DCDC1: variants seen among roughly 807,000 people sequenced by gnomAD.
DCDC1 encodes the protein doublecortin domain-containing protein 1.
A neutral mutation model predicts 178.3 loss-of-function variants in DCDC1; 200 were observed. The ratio of observed to expected loss-of-function variants is 1.12; its 90% confidence interval spans 1.00 to 1.26. DCDC1 has a LOEUF of 1.26. DCDC1 is among the 50% of genes most tolerant of loss of function. The pLI is 0.00. For missense variants in DCDC1, 1,983 were observed against 1,749.2 expected (o/e 1.13, Z -2.38); for synonymous variants, 690 against 604.8 (o/e 1.14, Z -2.07).
intron 1 of DCDC1, among the ~76,000 whole-genome samples, chr11:31,362,889 T>G (rs1951782940): frequency 6.6e-6 from 1 of 152,150 alleles, no homozygotes; most frequent in Non-Finnish European, 1.5e-5. Flanking sequence ...TCTAACTAAT[T>G]AAACTGAAAG....
At chr11:31,204,129 A>T (rs975299158) in intron 9 of DCDC1, among the ~76,000 whole-genome samples, 2 of 152,216 alleles carry the variant, frequency 1.3e-5, no homozygotes, top group Non-Finnish European at 2.9e-5. Context: ...AGTGTTGGGA[A>T]GAGATGCACA....
intron 20 of DCDC1, among the ~76,000 whole-genome samples, chr11:31,054,281 A>G (rs188753890): frequency 2.0e-5 from 3 of 152,156 alleles, no homozygotes; most frequent in Admixed American, 6.5e-5. Context: ...TTACCTAACC[A>G]AGGAGGCAAA....
At chr11:31,001,582 T>C (rs1423147488) in intron 20 of DCDC1, among the ~76,000 whole-genome samples, 1 of 152,106 alleles carries the variant, frequency 6.6e-6, no homozygotes, top group Non-Finnish European at 1.5e-5. Context: ...AGGTAGTGAG[T>C]GAAGACAAAT....
chr11:31,290,773 G>T lies in DCDC1; in HGVS notation c.834C>A (p.Thr278=). Reference sequence around the variant, plus strand: ...TCATTCTAATAGAAAGAACAGGCTTGGTTTTCCGTCTTTTGATATCAGTAG... The same window carrying T: ...TCATTCTAATAGAAAGAACAGGCTTTGTTTTCCGTCTTTTGATATCAGTAG... The part of the protein sequence containing the change: ...MLPTDIKRRK[T]KPVLSIRMKK... Residue 278 remains threonine (T), a synonymous_variant, in exon 7 of 39, where the codon ACC becomes ACA. Transcript: ENST00000684477. 3.7e-6 allele frequency: 6 copies of T among 1,613,330 alleles called. No homozygotes were observed. The highest frequency in any genetic ancestry group is 5.1e-6 in the Non-Finnish European group (6 of 1,179,546).
intron 7 of DCDC1, among the ~76,000 whole-genome samples, chr11:31,268,105 C>T (rs1945295276): frequency 6.6e-6 from 1 of 152,088 alleles, no homozygotes; most frequent in African/African-American, 2.4e-5. Context: ...CTTTCCAGTC[C>T]TCATGTTCAG....
chr11:31,352,359 T>C lies in DCDC1; in HGVS notation c.-124-16795A>G, dbSNP rs1564920448. Among the ~76,000 whole-genome samples, 3 of 152,164 alleles carry C rather than the reference T, an allele frequency of 2.0e-5. No homozygotes were observed. In the South Asian group the frequency reaches 6.2e-4, roughly 31 times the overall value. ...TCGTTTATTTATTTAAATAATGATATACAAGAATAATTAGCATTATGTTTT... is the reference window on the plus strand; with the variant it reads ...TCGTTTATTTATTTAAATAATGATACACAAGAATAATTAGCATTATGTTTT... On this transcript the variant is annotated intron_variant, in intron 1 of 38. Coordinates refer to ENST00000684477, the MANE Select transcript of DCDC1 (RefSeq NM_001387274.1).
At chr11:31,314,619 A>G (rs772028117) in intron 3 of DCDC1, 2 of 152,202 alleles carry the variant, frequency 1.3e-5, no homozygotes, top group Non-Finnish European at 2.9e-5. Flanking sequence ...TGACTGCTAT[A>G]GAACTTATAC....
At chr11:31,281,198 AAT>A (rs1219569902) in intron 7 of DCDC1, among the ~76,000 whole-genome samples, 1 of 152,008 alleles carries the variant, frequency 6.6e-6, no homozygotes, top group African/African-American at 2.4e-5. Flanking sequence ...CTATAAATAA[AAT>A]AGTTTTTATT....
At chr11:31,146,758 A>G (rs1413480487) in intron 9 of DCDC1, among the ~76,000 whole-genome samples, 1 of 152,160 alleles carries the variant, frequency 6.6e-6, no homozygotes, top group African/African-American at 2.4e-5. Context: ...TGAAACACCC[A>G]CTTGACCTTG....
intron 11 of DCDC1, among the ~76,000 whole-genome samples, chr11:31,110,571 G>C (rs1565297170): frequency 1.3e-5 from 2 of 152,074 alleles, no homozygotes; most frequent in Non-Finnish European, 2.9e-5. Flanking sequence ...AGCACTAAAA[G>C]AAAAGAAAGG....
rs771849617 is a variant in DCDC1 at position 31,094,066 on chromosome 11, A to C, written c.2102T>G (p.Val701Gly). Residue 701 changes from valine (V) to glycine (G), a missense_variant, in exon 16 of 39, where the codon GTG becomes GGG. By Grantham distance (109) the Val-to-Gly change is moderately radical (BLOSUM62 -3). Transcript: ENST00000684477. ...APSILWPVAS[V>G]WLITKTGMIL... ...CTTAGGTACCTTGGTGATCAGCCACACACTGGCTACAGGCCACAGGATCGA... is the reference window on the plus strand; with the variant it reads ...CTTAGGTACCTTGGTGATCAGCCACCCACTGGCTACAGGCCACAGGATCGA... The C allele has an allele frequency of 1.3e-6, 1 of 766,102 alleles. No homozygotes were observed. The highest frequency in any genetic ancestry group is 1.7e-5 in the African/African-American group (1 of 59,120). 47.5% of individuals were successfully genotyped at this position (766,102 alleles called of 1,614,324 possible).
chr11:31,258,220 T>C (rs957206702), intron 8 of DCDC1, among the ~76,000 whole-genome samples: 2 of 152,158 alleles, frequency 1.3e-5, no homozygotes, highest in Non-Finnish European at 2.9e-5. Context: ...AGATCCAAGT[T>C]AGATGTTAGA....
chr11:31,204,759 T>C (rs1273109582), intron 9 of DCDC1, among the ~76,000 whole-genome samples: 1 of 152,058 alleles, frequency 6.6e-6, no homozygotes, highest in Non-Finnish European at 1.5e-5. Context: ...GAGGCGGAGG[T>C]TGCAGTGAGC....
intron 9 of DCDC1, among the ~76,000 whole-genome samples, chr11:31,238,898 T>C (rs1976770035): frequency 6.6e-6 from 1 of 152,100 alleles, no homozygotes; most frequent in Non-Finnish European, 1.5e-5. Context: ...TTAAATCAGT[T>C]GCATGCTATA....
chr11:31,357,056 A>G (rs900913414), intron 1 of DCDC1, among the ~76,000 whole-genome samples: 9 of 151,866 alleles, frequency 5.9e-5, no homozygotes, highest in African/African-American at 2.2e-4. Flanking sequence ...CAATCAATAG[A>G]AAAAGAGGGA....
chr11:30,988,557 C>A (rs908891102), intron 20 of DCDC1, among the ~76,000 whole-genome samples: 2 of 152,142 alleles, frequency 1.3e-5, no homozygotes, highest in African/African-American at 2.4e-5. Flanking sequence ...TCTTCTCCAG[C>A]CTCCCAGCTT....
chr11:31,077,960 T>G, intron 17 of DCDC1, 35 bp from the exon 18 acceptor site: 1 of 763,852 alleles, frequency 1.3e-6, no homozygotes, highest in Non-Finnish European at 2.4e-6. Context: ...ATTGACATCT[T>G]CTCTCCACAG....
At chr11:30,903,743 T>A in intron 31 of DCDC1, 60 bp from the exon 32 acceptor site, 1 of 1,336,520 alleles carries the variant, frequency 7.5e-7, no homozygotes, top group Non-Finnish European at 9.9e-7. Flanking sequence ...GGAATGATCA[T>A]TAAGAGCTTG....
At chr11:31,239,451 T>C (rs1976845267) in intron 9 of DCDC1, among the ~76,000 whole-genome samples, 1 of 151,948 alleles carries the variant, frequency 6.6e-6, no homozygotes, top group South Asian at 2.1e-4. Flanking sequence ...AATATAACAC[T>C]ACAAAAGAAG....
Sources: allele counts gnomAD v4.1 joint callset (sites outside exome capture counted in the v4.1 genomes callset), GRCh38; gene constraint gnomAD v4.1.1; transcripts MANE v1.5; gene names NCBI Gene and HGNC (gene_info 2026-07-23, HGNC 2026-07-21).